Variants in PRRC1 observed in about 807,000 individuals in gnomAD.
The protein encoded by PRRC1 is proline rich coiled-coil 1.
PRRC1 carries 39 observed loss-of-function variants against 40.7 expected under a neutral mutation model. The observed-to-expected ratio is 0.96, with a 90% CI of 0.74 to 1.25. PRRC1 has a LOEUF of 1.25. Ranked by LOEUF, PRRC1 falls within the 50% of genes most tolerant of loss-of-function variation. The probability of loss-of-function intolerance (pLI) is 0.00; values close to 1 mark genes in which losing one functional copy is unlikely to be tolerated. For missense variants in PRRC1, 573 were observed against 548.3 expected (o/e 1.05, Z -0.45); for synonymous variants, 175 against 193.3 (o/e 0.91, Z 0.79).
chr5:127,548,727 T>C (rs1186942048), intron 8 of PRRC1: 1 of 152,130 alleles, frequency 6.6e-6, no homozygotes, highest in Non-Finnish European at 1.5e-5. Flanking sequence ...TATGTGTACT[T>C]TCATAGAACT....
rs141708541 is a variant in PRRC1, at chr5:127,553,902, C to T, written c.*1986C>T. 48 of 1,535,094 alleles carry T rather than the reference C, an allele frequency of 3.1e-5. No individual in the cohort carries two copies. In the South Asian group the frequency reaches 4.6e-4, roughly 15 times the overall value. ...ACCTGGTAAGCCTCCTGCTCGGAACCGTGTGAGTGGGTGAGGAAGATGAGA... is the reference window on the plus strand; with the variant it reads ...ACCTGGTAAGCCTCCTGCTCGGAACTGTGTGAGTGGGTGAGGAAGATGAGA... On this transcript the variant is annotated 3_prime_UTR_variant, in exon 9 of 9. Transcript: ENST00000296666.
chr5:127,521,192 C>T (rs1377960544), intron 1 of PRRC1, among the ~76,000 whole-genome samples: 1 of 152,182 alleles, frequency 6.6e-6, no homozygotes, highest in Non-Finnish European at 1.5e-5. Context: ...CTTTATTTCT[C>T]CTTGCCCCCA....
chr5:127,550,394 C>T (rs1580955233), intron 8 of PRRC1: 1 of 151,880 alleles, frequency 6.6e-6, no homozygotes, highest in Middle Eastern at 3.4e-3. Context: ...GGAAATCAGC[C>T]CTTCAGGTAA....
chr5:127,526,856 T>C, intron 4 of PRRC1, 78 bp downstream of exon 4: 4 of 1,223,562 alleles, frequency 3.3e-6, no homozygotes, highest in Non-Finnish European at 4.4e-6. Flanking sequence ...ATATTGAAAA[T>C]ACAGGATGGC....
Position 127,551,913 on chromosome 5 carries a change from G to A in PRRC1, c.1335G>A (p.Val445=), listed in dbSNP as rs993173049. 4 of 1,613,942 alleles carry A rather than the reference G, an allele frequency of 2.5e-6. No homozygotes were observed. The highest frequency in any genetic ancestry group is 1.1e-5 in the South Asian group (1 of 91,082). The change falls in exon 9 of 9, where the codon GTG becomes GTA. Residue 445 remains valine (V), a synonymous_variant. Transcript: ENST00000296666. ...MYKQRLPPRT[V] The stretch of plus-strand genomic sequence containing the variant: ...AACAGCGCCTGCCACCCAGGACAGT[G>A]TGAGAGGAGACCTACCTGGGAGACT...
Position 127,533,696 on chromosome 5 carries a change from C to T in PRRC1, c.831C>T (p.Phe277=), listed in dbSNP as rs1767829485. 6.2e-7 allele frequency: 1 copy of T among 1,614,076 alleles called. No homozygotes were observed. The highest frequency in any genetic ancestry group is 8.5e-7 in the Non-Finnish European group (1 of 1,179,984). ...AAGTTGCTGCTGTCCGAGATGCCTT[C>T]CAGGAGGTCTTTGGCTTAGCTGTGG... ...EVKVAAVRDA[F]QEVFGLAVVV... Residue 277 remains phenylalanine (F), a synonymous_variant, in exon 6 of 9, where the codon TTC becomes TTT. Transcript: ENST00000296666.
chr5:127,544,090 C>T (rs1768137821), intron 7 of PRRC1, among the ~76,000 whole-genome samples: 1 of 152,190 alleles, frequency 6.6e-6, no homozygotes, highest in South Asian at 2.1e-4. Context: ...TTCCTTCTAA[C>T]AGACAGGACC....
intron 7 of PRRC1, among the ~76,000 whole-genome samples, chr5:127,546,115 T>G (rs966932881): frequency 6.6e-6 from 1 of 152,168 alleles, no homozygotes; most frequent in African/African-American, 2.4e-5. Flanking sequence ...ATTGTCAGGT[T>G]TTTTCCCCCA....
chr5:127,518,955 T>C (rs1377445373), intron 1 of PRRC1, among the ~76,000 whole-genome samples: 3 of 152,246 alleles, frequency 2.0e-5, no homozygotes, highest in Non-Finnish European at 2.9e-5. Flanking sequence ...TAGAAGGCAC[T>C]ATGTTTATGC....
intron 5 of PRRC1, among the ~76,000 whole-genome samples, chr5:127,531,615 TTC>T (rs1159178355): frequency 2.1e-4 from 20 of 95,322 alleles, no homozygotes; most frequent in African/African-American, 6.8e-4. Context: ...ATTCTTCTTC[TTC>T]TTTTTTTTTT....
At chr5:127,543,658 A>G (rs1768120685) in intron 7 of PRRC1, among the ~76,000 whole-genome samples, 1 of 152,092 alleles carries the variant, frequency 6.6e-6, no homozygotes, top group African/African-American at 2.4e-5. Context: ...CTTCCAGTTG[A>G]TCGCGTCGGC....
chr5:127,534,291 C>A (rs892591319), intron 6 of PRRC1, among the ~76,000 whole-genome samples: 2 of 151,938 alleles, frequency 1.3e-5, no homozygotes, highest in African/African-American at 4.8e-5. Flanking sequence ...AAAGAAAAAA[C>A]CAAAGGAAAC....
chr5:127,538,776 T>C (rs1433200148), intron 6 of PRRC1, among the ~76,000 whole-genome samples: 1 of 152,092 alleles, frequency 6.6e-6, no homozygotes, highest in East Asian at 1.9e-4. Context: ...TGAGAAAATG[T>C]AATATAAAAA....
chr5:127,549,944 C>T (rs1007391383), intron 8 of PRRC1: 1 of 151,812 alleles, frequency 6.6e-6, no homozygotes, highest in Middle Eastern at 3.2e-3. Context: ...GGAATATATA[C>T]TGGAAAGAAG....
At position 127,554,233 on chromosome 5, in the gene PRRC1, T is replaced by C. The variant is rs1218732341; in HGVS notation, c.*2317T>C. The stretch of plus-strand genomic sequence containing the variant: ...CACTAATCGTCCAGCTTGAGTGTTC[T>C]GTTCTCTTCCTGCCCATTTCCTTGA... On this transcript the variant is annotated 3_prime_UTR_variant, in exon 9 of 9. Coordinates refer to ENST00000296666, the MANE Select transcript of PRRC1 (RefSeq NM_130809.5). 5.5e-6 allele frequency: 1 copy of C among 181,278 alleles called. No homozygotes were observed. The highest frequency in any genetic ancestry group is 2.4e-5 in the African/African-American group (1 of 42,104). 11.2% of individuals were successfully genotyped at this position (181,278 alleles called of 1,614,324 possible).
intron 7 of PRRC1, among the ~76,000 whole-genome samples, chr5:127,541,050 A>G (rs1768031197): frequency 6.6e-6 from 1 of 152,218 alleles, no homozygotes; most frequent in Non-Finnish European, 1.5e-5. Context: ...ACGTCCCATC[A>G]GTACCTAATT....
At chr5:127,530,620 TAGA>T (rs928477496) in intron 5 of PRRC1, among the ~76,000 whole-genome samples, 3 of 152,304 alleles carry the variant, frequency 2.0e-5, no homozygotes, top group South Asian at 2.1e-4. Context: ...AGAATGATCC[TAGA>T]AGGAGTAAAA....
rs752712023 is a variant in PRRC1, at chr5:127,551,823, A to G, written c.1245A>G (p.Ala415=). Residue 415 remains alanine (A), a synonymous_variant, in exon 9 of 9, where the codon GCA becomes GCG. Transcript: ENST00000296666. ...TCAGCCGGACTGATTGGCACATGGC[A>G]TTTACTGGGATGTCCCGTCGGCAGA... is the stretch of plus-strand genomic sequence containing the variant. ...LNVSRTDWHM[A]FTGMSRRQMI... The G allele has an allele frequency of 2.5e-6, 4 of 1,614,090 alleles. No homozygotes were observed. The highest frequency in any genetic ancestry group is 1.1e-5 in the South Asian group (1 of 91,072).
At position 127,526,624 on chromosome 5, in the gene PRRC1, T is replaced by G; in HGVS notation, c.500T>G (p.Leu167Trp). The G allele has an allele frequency of 1.9e-6, 3 of 1,604,428 alleles. No individual in the cohort carries two copies. Among genetic ancestry groups the G allele is most frequent in the Non-Finnish European group, 1.7e-6 (2 of 1,176,398 alleles). Residue 167 changes from leucine to tryptophan, a missense_variant, in exon 4 of 9, where the codon TTG becomes TGG. Physicochemically the swap from Leu to Trp is moderately conservative, Grantham distance 61. Coordinates refer to ENST00000296666, the MANE Select transcript of PRRC1 (RefSeq NM_130809.5). Reference protein sequence around the residue: ...SFSAPSGTGLLPTPITQQASL... With the variant: ...SFSAPSGTGLWPTPITQQASL... ...AATTTTTGCCATTGATTAGGTCTTT[T>G]GCCAACTCCTATTACTCAGCAAGCC...
Sources: allele counts gnomAD v4.1 joint callset (sites outside exome capture counted in the v4.1 genomes callset), GRCh38; gene constraint gnomAD v4.1.1; transcripts MANE v1.5; gene names NCBI Gene and HGNC (gene_info 2026-07-23, HGNC 2026-07-21).